Variants in CCDC178 observed in about 807,000 individuals in gnomAD.
CCDC178 encodes the protein coiled-coil domain-containing protein 178.
In CCDC178, 126 loss-of-function variants were observed where a neutral mutation model predicts 117.4. That is an observed-to-expected ratio of 1.07 (90% CI 0.93 to 1.24). CCDC178 has a LOEUF of 1.24. CCDC178 is among the 50% of genes most tolerant of loss of function. The pLI is 0.00. For synonymous variants in CCDC178, 283 were observed against 313.4 expected (o/e 0.90, Z 1.02); for missense variants, 1,030 against 986.9 (o/e 1.04, Z -0.59).
At position 33,215,538 on chromosome 18, in the gene CCDC178, T is replaced by G; in HGVS notation, c.2078+12A>C. On this transcript the variant is annotated intron_variant, in intron 19 of 22. Transcript: ENST00000383096. Reference sequence around the variant, plus strand: ...TAAAAACTTCATATTTTGATAAAGTTTAAGTACTTACTTTAATATTTCAAG... The same window carrying G: ...TAAAAACTTCATATTTTGATAAAGTGTAAGTACTTACTTTAATATTTCAAG... The G allele has an allele frequency of 1.6e-6, 2 of 1,266,880 alleles. No homozygotes were observed. Among genetic ancestry groups the G allele is most frequent in the Non-Finnish European group, 2.1e-6 (2 of 942,216 alleles). 78.5% of individuals were successfully genotyped at this position (1,266,880 alleles called of 1,614,324 possible). A position where few individuals can be genotyped will look rare whatever the true frequency, so the allele number is the denominator to read the frequency against.
rs2059762289 is a variant in CCDC178, at chr18:33,262,472, G to T, written c.1409+4444C>A. On this transcript the variant is annotated intron_variant, in intron 14 of 22. Transcript: ENST00000383096. The stretch of plus-strand genomic sequence containing the variant: ...TAACTCATCCAAATACCACTAAAAT[G>T]ACATATTTAAAAGGGAAGTCTGATC... Among the ~76,000 whole-genome samples the T allele has an allele frequency of 2.6e-5, 4 of 151,942 alleles. No homozygotes were observed. In the South Asian group the frequency reaches 6.2e-4, roughly 24 times the overall value.
chr18:33,361,038 T>C (rs993640013), intron 6 of CCDC178, among the ~76,000 whole-genome samples: 1 of 151,296 alleles, frequency 6.6e-6, no homozygotes, highest in Admixed American at 6.6e-5. Flanking sequence ...GTCCCAACAA[T>C]ACTGAGGAAA....
intron 21 of CCDC178, among the ~76,000 whole-genome samples, chr18:33,067,468 A>T (rs959244822): frequency 2.6e-5 from 4 of 152,230 alleles, no homozygotes; most frequent in African/African-American, 9.6e-5. Flanking sequence ...AAAACAAAAC[A>T]AACTAAACTC....
intron 15 of CCDC178, among the ~76,000 whole-genome samples, chr18:33,242,616 C>A (rs75981793): frequency 2.0e-5 from 3 of 150,486 alleles, no homozygotes; most frequent in South Asian, 2.1e-4. Flanking sequence ...AGATATTTTT[C>A]AAAAAAAAAT....
chr18:33,219,869 A>G (rs2059210221), intron 18 of CCDC178, among the ~76,000 whole-genome samples: 1 of 152,048 alleles, frequency 6.6e-6, no homozygotes, highest in African/African-American at 2.4e-5. Flanking sequence ...GCACATGTAT[A>G]CATAAACAAA....
rs141357555 is a variant in CCDC178 at position 33,048,815 on chromosome 18, A to T, written c.2388+43946T>A. ...TAAAAATAACATATTACAATTTCAG[A>T]TTTGTTTTCCCAATCCTTTATATGG... On this transcript the variant is annotated intron_variant, in intron 21 of 22. Transcript: ENST00000383096. Among the ~76,000 whole-genome samples the T allele has an allele frequency of 2.3e-3, 349 of 152,282 alleles. 3 individuals carry two copies. The highest frequency in any genetic ancestry group is 8.2e-3 in the African/African-American group (340 of 41,578).
At chr18:32,967,858 GTTTT>G (rs557982093) in intron 22 of CCDC178, among the ~76,000 whole-genome samples, 1 of 132,122 alleles carries the variant, frequency 7.6e-6, no homozygotes, top group Admixed American at 7.5e-5. Context: ...ATATACTTTT[GTTTT>G]TTTTTTTAAT....
chr18:33,237,620 AC>A (rs2059440948), intron 15 of CCDC178, among the ~76,000 whole-genome samples: 1 of 151,798 alleles, frequency 6.6e-6, no homozygotes. Context: ...GGCCTGAGAA[AC>A]AACACCATGG....
At chr18:33,088,060 G>C (rs1441510696) in intron 21 of CCDC178, among the ~76,000 whole-genome samples, 2 of 151,970 alleles carry the variant, frequency 1.3e-5, no homozygotes, top group African/African-American at 4.8e-5. Context: ...TCTCTTGGTG[G>C]GGTGAAGAAA....
chr18:33,136,746 C>T (rs902214036), intron 20 of CCDC178, among the ~76,000 whole-genome samples: 3 of 152,080 alleles, frequency 2.0e-5, no homozygotes, highest in African/African-American at 7.2e-5. Context: ...CTGAAAATAA[C>T]TTGGTCTCAA....
At chr18:33,243,763 G>A (rs926086148) in intron 15 of CCDC178, among the ~76,000 whole-genome samples, 6 of 151,824 alleles carry the variant, frequency 4.0e-5, no homozygotes, top group African/African-American at 9.7e-5. Context: ...TGACAGCCAC[G>A]GGGAAAATAT....
chr18:33,032,577 C>T (rs1420782372), intron 21 of CCDC178, among the ~76,000 whole-genome samples: 1 of 152,094 alleles, frequency 6.6e-6, no homozygotes, highest in African/African-American at 2.4e-5. Context: ...AAAAATGCTA[C>T]TATAGGTGCT....
chr18:33,249,052 G>A (rs2059585610), intron 14 of CCDC178, among the ~76,000 whole-genome samples: 1 of 152,112 alleles, frequency 6.6e-6, no homozygotes, highest in South Asian at 2.1e-4. Flanking sequence ...TGTTTTGGCT[G>A]CATAAATGTC....
chr18:33,333,101 A>G, intron 10 of CCDC178, 73 bp downstream of exon 10: 3 of 873,554 alleles, frequency 3.4e-6, no homozygotes, highest in Non-Finnish European at 5.3e-6. Context: ...AGCTGTGTTA[A>G]TTTCTTATGG....
chr18:33,042,858 G>A lies in CCDC178; in HGVS notation c.2388+49903C>T, dbSNP rs149938335. On this transcript the variant is annotated intron_variant, in intron 21 of 22. Transcript: ENST00000383096. ...AGTATTAAAAAGTGAGAAGATAATG[G>A]TGGAGAATTTTCCATAAAGGATGAA... 3.7e-3 allele frequency among the ~76,000 whole-genome samples: 557 copies of A among 151,998 alleles called. 2 individuals carry two copies. The highest frequency in any genetic ancestry group is 0.013 in the African/African-American group (536 of 41,516).
At chr18:33,207,638 C>A (rs2059060438) in intron 20 of CCDC178, among the ~76,000 whole-genome samples, 1 of 150,618 alleles carries the variant, frequency 6.6e-6, no homozygotes, top group Non-Finnish European at 1.5e-5. Flanking sequence ...GAACTATAGC[C>A]AAATAATTGC....
intron 17 of CCDC178, among the ~76,000 whole-genome samples, chr18:33,223,581 G>T (rs1016149349): frequency 3.9e-5 from 6 of 151,998 alleles, no homozygotes; most frequent in Non-Finnish European, 8.8e-5. Flanking sequence ...CTTCCTTACT[G>T]TGTGCTAAAT....
chr18:33,152,826 T>C (rs1465780944), intron 20 of CCDC178, among the ~76,000 whole-genome samples: 1 of 151,930 alleles, frequency 6.6e-6, no homozygotes, highest in Non-Finnish European at 1.5e-5. Flanking sequence ...GAAGATATAG[T>C]TGGTTCCAGG....
chr18:33,307,998 A>G (rs528804334), intron 11 of CCDC178, among the ~76,000 whole-genome samples: 20 of 152,368 alleles, frequency 1.3e-4, no homozygotes, highest in African/African-American at 4.8e-4. Flanking sequence ...AGAGCAGTGC[A>G]GAAGAGGAAT....
Sources: allele counts gnomAD v4.1 joint callset (sites outside exome capture counted in the v4.1 genomes callset), GRCh38; gene constraint gnomAD v4.1.1; transcripts MANE v1.5; gene names NCBI Gene and HGNC (gene_info 2026-07-23, HGNC 2026-07-21).